Variants in SPIDR observed in about 807,000 individuals in gnomAD.
The protein encoded by SPIDR is scaffold protein involved in DNA repair, also known as DNA repair-scaffolding protein.
SPIDR carries 93 observed loss-of-function variants against 104.6 expected under a neutral mutation model. The observed-to-expected ratio is 0.89, with a 90% CI of 0.75 to 1.06. SPIDR has a LOEUF of 1.06. Ranked by LOEUF, SPIDR falls within the 50% of genes least tolerant of loss-of-function variation. The pLI is 0.00. For synonymous variants in SPIDR, 431 were observed against 416.9 expected, an observed-to-expected ratio of 1.03 and a Z score of -0.41; for missense variants, 1,154 against 1,111.2, an observed-to-expected ratio of 1.04 and a Z score of -0.55.
intron 5 of SPIDR, among the ~76,000 whole-genome samples, chr8:47,345,625 C>T (rs2051799594): frequency 6.6e-6 from 1 of 152,030 alleles, no homozygotes; most frequent in African/African-American, 2.4e-5. Flanking sequence ...TGTTTGTGTC[C>T]TCTTTTATTT....
At chr8:47,317,698 A>T (rs2045656792) in intron 5 of SPIDR, among the ~76,000 whole-genome samples, 1 of 152,124 alleles carries the variant, frequency 6.6e-6, no homozygotes, top group Non-Finnish European at 1.5e-5. Context: ...GGCACCCCCT[A>T]GTAGGGGCAG....
chr8:47,632,718 T>G (rs1055808399), intron 10 of SPIDR, among the ~76,000 whole-genome samples: 1 of 152,204 alleles, frequency 6.6e-6, no homozygotes, highest in Non-Finnish European at 1.5e-5. Context: ...GTGCCTGTTT[T>G]TTGTCTTTTG....
intron 6 of SPIDR, among the ~76,000 whole-genome samples, chr8:47,400,636 G>C (rs1469780420): frequency 6.6e-6 from 1 of 151,536 alleles, no homozygotes; most frequent in Non-Finnish European, 1.5e-5. Context: ...TGCCCTGCAG[G>C]AAATGTCACT....
intron 10 of SPIDR, among the ~76,000 whole-genome samples, chr8:47,671,382 C>G (rs981993866): frequency 6.6e-6 from 1 of 151,954 alleles, no homozygotes; most frequent in African/African-American, 2.4e-5. Flanking sequence ...GCCAGGAATT[C>G]GAGACCAGCC....
At chr8:47,562,254 G>A (rs1435695434) in intron 8 of SPIDR, among the ~76,000 whole-genome samples, 1 of 152,102 alleles carries the variant, frequency 6.6e-6, no homozygotes, top group African/African-American at 2.4e-5. Flanking sequence ...ACATTTCATT[G>A]GTTTAAAAAG....
At chr8:47,301,046 G>C (rs930294883) in intron 5 of SPIDR, among the ~76,000 whole-genome samples, 135 of 152,242 alleles carry the variant, frequency 8.9e-4, no homozygotes, top group Middle Eastern at 3.4e-3. Context: ...TGATAGTGGG[G>C]TGTTAAAGTC....
intron 7 of SPIDR, among the ~76,000 whole-genome samples, chr8:47,433,380 C>A (rs551679453): frequency 1.3e-5 from 2 of 152,204 alleles, no homozygotes; most frequent in East Asian, 3.9e-4. Flanking sequence ...CCAGAGGAAA[C>A]ACCCTGGTTC....
At chr8:47,695,844 T>TA (rs2079257248) in intron 11 of SPIDR, among the ~76,000 whole-genome samples, 1 of 152,220 alleles carries the variant, frequency 6.6e-6, no homozygotes, top group African/African-American at 2.4e-5. Flanking sequence ...AAAATATCCA[T>TA]AAAATGTGTG....
intron 8 of SPIDR, among the ~76,000 whole-genome samples, chr8:47,464,113 TACACACACACACACACACAC>T (rs113515816): frequency 0.013 from 1,915 of 143,456 alleles, 48 homozygotes; most frequent in African/African-American, 0.046. Flanking sequence ...CTAAAGATTA[TACACACACACACACACACAC>T]ACACACACAC....
chr8:47,633,916 A>G (rs2067468197), intron 10 of SPIDR, among the ~76,000 whole-genome samples: 2 of 151,656 alleles, frequency 1.3e-5, no homozygotes, highest in Non-Finnish European at 2.9e-5. Flanking sequence ...AACATGGCAA[A>G]ACCTGATCTC....
At chr8:47,501,338 C>G (rs1450112482) in intron 8 of SPIDR, among the ~76,000 whole-genome samples, 1 of 152,068 alleles carries the variant, frequency 6.6e-6, no homozygotes, top group Non-Finnish European at 1.5e-5. Flanking sequence ...GTTTGTAGTT[C>G]TCCTTGAAGA....
intron 5 of SPIDR, among the ~76,000 whole-genome samples, chr8:47,327,788 C>T (rs1307713909): frequency 6.6e-6 from 1 of 152,112 alleles, no homozygotes; most frequent in Non-Finnish European, 1.5e-5. Context: ...ATCTCAAACT[C>T]CAGACCTCAG....
intron 8 of SPIDR, among the ~76,000 whole-genome samples, chr8:47,576,411 A>G (rs769988131): frequency 2.0e-5 from 3 of 152,206 alleles, no homozygotes; most frequent in Non-Finnish European, 2.9e-5. Flanking sequence ...TTGGCCTCCC[A>G]AAGTGCTGGG....
At chr8:47,457,413 G>C (rs1211971134) in intron 8 of SPIDR, among the ~76,000 whole-genome samples, 2 of 152,014 alleles carry the variant, frequency 1.3e-5, no homozygotes, top group African/African-American at 4.8e-5. Flanking sequence ...CTTCTTTTGA[G>C]AATTGTCTGT....
At chr8:47,381,431 T>G (rs1310934982) in intron 5 of SPIDR, among the ~76,000 whole-genome samples, 24 of 152,318 alleles carry the variant, frequency 1.6e-4, no homozygotes, top group African/African-American at 5.5e-4. Context: ...CCAACCTCCT[T>G]AAAACAGTGG....
intron 5 of SPIDR, among the ~76,000 whole-genome samples, chr8:47,328,143 A>C (rs1260381601): frequency 6.6e-6 from 1 of 151,974 alleles, no homozygotes; most frequent in Non-Finnish European, 1.5e-5. Flanking sequence ...ACAATTGCCA[A>C]ATCCACGATC....
At chr8:47,405,986 G>A (rs2062702513) in intron 6 of SPIDR, among the ~76,000 whole-genome samples, 1 of 152,042 alleles carries the variant, frequency 6.6e-6, no homozygotes, top group African/African-American at 2.4e-5. Flanking sequence ...GAGCGCCTGT[G>A]CATGTTTACT....
chr8:47,665,804 T>C (rs761671399), intron 10 of SPIDR, among the ~76,000 whole-genome samples: 5 of 152,190 alleles, frequency 3.3e-5, no homozygotes, highest in Non-Finnish European at 7.3e-5. Flanking sequence ...CAGTAGTAAT[T>C]ATGTATGGTT....
chr8:47,548,595 C>T (rs2089899656), intron 8 of SPIDR, among the ~76,000 whole-genome samples: 1 of 152,216 alleles, frequency 6.6e-6, no homozygotes, highest in Non-Finnish European at 1.5e-5. Flanking sequence ...TTGCAGTCAG[C>T]TGCGATTGCA....
Sources: gnomAD v4.1 joint callset for allele counts (sites outside exome capture counted in the v4.1 genomes callset) on GRCh38, gnomAD v4.1.1 for gene constraint, MANE v1.5 for transcripts, NCBI Gene and HGNC (gene_info 2026-07-23, HGNC 2026-07-21) for gene names.